The following TSPAN18 variants were observed in gnomAD, a reference collection of about 807,000 sequenced individuals.
TSPAN18 encodes tetraspanin-18.
TSPAN18 carries 14 observed loss-of-function variants against 27.3 expected under a neutral mutation model. That is an observed-to-expected ratio of 0.51 (90% CI 0.34 to 0.80). The LOEUF (loss-of-function observed/expected upper bound fraction) is 0.80. TSPAN18 is among the 30% of genes least tolerant of loss of function. The pLI is 0.01. For synonymous variants in TSPAN18, 143 were observed against 136.5 expected (o/e 1.05, Z -0.33); for missense variants, 268 against 323.9 (o/e 0.83, Z 1.32).
intron 2 of TSPAN18, among the ~76,000 whole-genome samples, chr11:44,790,171 G>GTGTGTGTGCGCA (rs1366745555): frequency 6.7e-6 from 1 of 150,138 alleles, no homozygotes; most frequent in Non-Finnish European, 1.5e-5. Flanking sequence ...GTGTGCATGT[G>GTGTGTGTGCGCA]TGTGTGTGCG....
chr11:44,811,489 C>T (rs1370254930), intron 2 of TSPAN18, among the ~76,000 whole-genome samples: 4 of 149,050 alleles, frequency 2.7e-5, no homozygotes, highest in East Asian at 2.0e-4. Flanking sequence ...GATGGAGTCT[C>T]GCTCTTGTTG....
At chr11:44,835,679 G>A (rs1857250385) in intron 2 of TSPAN18, among the ~76,000 whole-genome samples, 1 of 152,108 alleles carries the variant, frequency 6.6e-6, no homozygotes, top group African/African-American at 2.4e-5. Context: ...AGGCATACCT[G>A]GTTTTATTGC....
At chr11:44,848,977 A>C (rs2135183471) in intron 2 of TSPAN18, among the ~76,000 whole-genome samples, 1 of 152,336 alleles carries the variant, frequency 6.6e-6, no homozygotes, top group African/African-American at 2.4e-5. Context: ...AGGCGTTGCA[A>C]GTGACCTTGG....
At chr11:44,755,841 G>A (rs1590423724) in intron 1 of TSPAN18, among the ~76,000 whole-genome samples, 1 of 152,074 alleles carries the variant, frequency 6.6e-6, no homozygotes, top group Non-Finnish European at 1.5e-5. Context: ...AATTCTTATG[G>A]CCTCGGGACT....
At chr11:44,894,657 G>A (rs538623290) in intron 3 of TSPAN18, among the ~76,000 whole-genome samples, 19 of 152,356 alleles carry the variant, frequency 1.2e-4, no homozygotes, top group African/African-American at 4.1e-4. Context: ...GAGGCACTGC[G>A]TGACCTCGGT....
At position 44,930,641 on chromosome 11, in the gene TSPAN18, C is replaced by T. The variant is rs1240262090; in HGVS notation, c.*1463C>T. 2 of 341,508 alleles carry T rather than the reference C, an allele frequency of 5.9e-6. No individual in the cohort carries two copies. The highest frequency in any genetic ancestry group is 4.4e-5 in the South Asian group (2 of 45,826). 21.2% of individuals were successfully genotyped at this position (341,508 alleles called of 1,614,324 possible). A position where few individuals can be genotyped will look rare whatever the true frequency, so the allele number is the denominator to read the frequency against. On this transcript the variant is annotated 3_prime_UTR_variant, in exon 10 of 10. Coordinates refer to ENST00000520358, the MANE Select transcript of TSPAN18 (RefSeq NM_130783.5). ...TCAAACTCTAGACGAGTGTTGGCAA[C>T]TGGATTGCAAGATGCTCCTACCCTG...
intron 3 of TSPAN18, among the ~76,000 whole-genome samples, chr11:44,890,850 G>T (rs912530907): frequency 9.2e-5 from 14 of 151,566 alleles, no homozygotes; most frequent in Non-Finnish European, 1.9e-4. Flanking sequence ...AAAAGCACTT[G>T]TATTATTCTA....
At chr11:44,859,879 G>A (rs1163120392) in intron 2 of TSPAN18, 2 of 152,190 alleles carry the variant, frequency 1.3e-5, no homozygotes, top group Non-Finnish European at 2.9e-5. Context: ...GGTAAAAAGA[G>A]GCCATTGGTC....
chr11:44,832,550 T>A (rs1857177198), intron 2 of TSPAN18, among the ~76,000 whole-genome samples: 2 of 152,236 alleles, frequency 1.3e-5, no homozygotes, highest in African/African-American at 4.8e-5. Flanking sequence ...CTTCCCATGC[T>A]GACAGCTGGA....
In TSPAN18 at chr11:44,926,766, A is replaced by G. The variant is rs1333967379; in HGVS notation, c.699+9A>G. 4 of 1,613,854 alleles carry G rather than the reference A, an allele frequency of 2.5e-6. No individual in the cohort carries two copies. The highest frequency in any genetic ancestry group is 2.7e-5 in the African/African-American group (2 of 74,926). On this transcript the variant is annotated intron_variant, in intron 9 of 9. Transcript: ENST00000520358. ...GGGTACTGGCCATCGAGGTAAGTAA[A>G]GGCCCCCACTTCTGCCGCTCCCCAG...
chr11:44,748,129 C>T (rs1009234354), intron 1 of TSPAN18, among the ~76,000 whole-genome samples: 10 of 152,126 alleles, frequency 6.6e-5, no homozygotes, highest in African/African-American at 9.7e-5. Context: ...ATTTTCTGGC[C>T]GGGCATGGTG....
intron 3 of TSPAN18, among the ~76,000 whole-genome samples, chr11:44,871,665 G>T (rs1400883635): frequency 6.6e-6 from 1 of 152,206 alleles, no homozygotes; most frequent in African/African-American, 2.4e-5. Flanking sequence ...CCTTCAGGAT[G>T]CTGGGCCTGG....
At chr11:44,910,605 C>T (rs964286710) in intron 5 of TSPAN18, among the ~76,000 whole-genome samples, 4 of 152,244 alleles carry the variant, frequency 2.6e-5, no homozygotes, top group Admixed American at 2.0e-4. Context: ...TTAGTAACAT[C>T]GCTAAGATGC....
At chr11:44,906,186 G>A (rs1859445553) in intron 3 of TSPAN18, among the ~76,000 whole-genome samples, 1 of 152,244 alleles carries the variant, frequency 6.6e-6, no homozygotes, top group Non-Finnish European at 1.5e-5. Context: ...GACTCAGAGA[G>A]GTAGAGTAAT....
At chr11:44,828,219 T>C (rs1356694370) in intron 2 of TSPAN18, among the ~76,000 whole-genome samples, 1 of 152,064 alleles carries the variant, frequency 6.6e-6, no homozygotes, top group African/African-American at 2.4e-5. Flanking sequence ...GAGGTTGAGG[T>C]GAAAAATCTA....
At chr11:44,851,790 T>C (rs759849326) in intron 2 of TSPAN18, among the ~76,000 whole-genome samples, 23 of 152,148 alleles carry the variant, frequency 1.5e-4, no homozygotes, top group Non-Finnish European at 3.1e-4. Flanking sequence ...CCAACACCCA[T>C]TGCAGCTAAG....
At chr11:44,741,302 G>T (rs1854926794) in intron 1 of TSPAN18, among the ~76,000 whole-genome samples, 1 of 152,200 alleles carries the variant, frequency 6.6e-6, no homozygotes, top group South Asian at 2.1e-4. Context: ...AAAAGTGTCT[G>T]AAGATTGGCT....
intron 2 of TSPAN18, among the ~76,000 whole-genome samples, chr11:44,840,622 C>A (rs1307885396): frequency 2.6e-5 from 4 of 152,180 alleles, no homozygotes; most frequent in African/African-American, 9.7e-5. Context: ...GCAAAGCAAG[C>A]CCCAGACTCT....
intron 3 of TSPAN18, chr11:44,903,433 G>A (rs751035526): frequency 8.8e-6 from 4 of 456,480 alleles, no homozygotes; most frequent in East Asian, 6.9e-5. Context: ...GGTGAGTCTT[G>A]GAGGTCCTGT....
Sources: allele counts gnomAD v4.1 joint callset (sites outside exome capture counted in the v4.1 genomes callset), GRCh38; gene constraint gnomAD v4.1.1; transcripts MANE v1.5; gene names NCBI Gene and HGNC (gene_info 2026-07-23, HGNC 2026-07-21).